Variants in ANK2 observed in about 807,000 individuals in gnomAD.
ANK2 encodes ankyrin 2.
A neutral mutation model predicts 360.5 loss-of-function variants in ANK2; 83 were observed. That is an observed-to-expected ratio of 0.23 (90% CI 0.19 to 0.28). The LOEUF (loss-of-function observed/expected upper bound fraction) is 0.28, where lower values mean the gene tolerates loss of function less well. ANK2 is among the 10% of genes least tolerant of loss of function. ANK2 has a pLI of 1.00. For missense variants in ANK2, 4,201 were observed against 4,795.7 expected (o/e 0.88, Z 3.66); for synonymous variants, 1,740 against 1,759.5 (o/e 0.99, Z 0.28).
chr4:112,957,510 G>A (rs1038868620), intron 2 of ANK2, among the ~76,000 whole-genome samples: 20 of 152,220 alleles, frequency 1.3e-4, no homozygotes, highest in Non-Finnish European at 1.8e-4. Flanking sequence ...ATCATGGCCC[G>A]TTCTCAATGA....
At chr4:113,237,496 CAT>C in intron 6 of ANK2, 101 bp from the exon 7 acceptor site, 1 of 1,160,536 alleles carries the variant, frequency 8.6e-7, no homozygotes, top group Non-Finnish European at 1.3e-6. Context: ...TGCATTTTGC[CAT>C]GTTGGAACAG....
rs1489947974 is a variant in ANK2, at chr4:113,021,541, C to CACACACACACACATATATATATATATAT, written c.21+117028_21+117029insCACACACACACATATATATATATATATA. Among the ~76,000 whole-genome samples the CACACACACACACATATATATATATATAT allele has an allele frequency of 5.3e-4, 51 of 95,628 alleles. 8 individuals are homozygous for CACACACACACACATATATATATATATAT. The highest frequency in any genetic ancestry group is 8.6e-4 in the Non-Finnish European group (38 of 44,130). The allele number at this position is 95,628 out of a possible 152,430, so 62.7% of individuals were successfully genotyped here. A position where few individuals can be genotyped will look rare whatever the true frequency, so the allele number is the denominator to read the frequency against. On this transcript the variant is annotated intron_variant, in intron 2 of 30. Coordinates refer to the ANK2 transcript ENST00000503271. The stretch of plus-strand genomic sequence containing the variant: ...ATACACACACACACCCACACACAAA[C>CACACACACACACATATATATATATATAT]ATATATATATATATATATATATATA...
rs74634473 is a variant in ANK2 at position 113,074,571 on chromosome 4, T to A, written c.84+24759T>A. On this transcript the variant is annotated intron_variant, in intron 1 of 45. Transcript: ENST00000357077. ...AAATCATTTATCTATTTGAAAAGTA[T>A]GATGATTTAAAAGGAGAGGAAATTA... Among the ~76,000 whole-genome samples, 894 of 152,292 alleles carry A rather than the reference T, an allele frequency of 5.9e-3. 8 individuals carry two copies. The highest frequency in any genetic ancestry group is 0.021 in the African/African-American group (859 of 41,550).
At chr4:113,054,659 A>C (rs1311686348) in intron 1 of ANK2, among the ~76,000 whole-genome samples, 1 of 152,190 alleles carries the variant, frequency 6.6e-6, no homozygotes, top group Admixed American at 6.5e-5. Context: ...TCTTTCAAAT[A>C]ACTTACCATT....
intron 2 of ANK2, among the ~76,000 whole-genome samples, chr4:112,941,502 T>A (rs2094205627): frequency 7.1e-6 from 1 of 141,680 alleles, no homozygotes; most frequent in Non-Finnish European, 1.5e-5. Flanking sequence ...TATGTAAATA[T>A]ATACTAAATA....
At chr4:112,743,378 G>A in the ANK2 span, among the ~76,000 whole-genome samples, 6 of 151,898 alleles carry the variant, frequency 4.0e-5, no homozygotes, top group Non-Finnish European at 8.8e-5. Flanking sequence ...AAAAGACTAT[G>A]ATGTCTTTTA....
chr4:113,206,597 C>T (rs1281384045), intron 4 of ANK2, among the ~76,000 whole-genome samples: 3 of 152,160 alleles, frequency 2.0e-5, no homozygotes, highest in Admixed American at 1.3e-4. Context: ...GTGTTTTTGA[C>T]TCTGAAAATC....
chr4:113,112,167 A>C (rs375950650), intron 1 of ANK2, among the ~76,000 whole-genome samples: 2 of 152,238 alleles, frequency 1.3e-5, no homozygotes, highest in African/African-American at 4.8e-5. Flanking sequence ...TATTATAGTA[A>C]ATTAAAAGAA....
At chr4:113,041,812 G>A (rs960864677) in intron 2 of ANK2, among the ~76,000 whole-genome samples, 5 of 152,082 alleles carry the variant, frequency 3.3e-5, no homozygotes, top group African/African-American at 1.2e-4. Context: ...TCTGGTGAGG[G>A]CCCAGGTCCA....
At chr4:113,040,126 A>T (rs1219972050) in intron 2 of ANK2, among the ~76,000 whole-genome samples, 1 of 152,024 alleles carries the variant, frequency 6.6e-6, no homozygotes, top group Non-Finnish European at 1.5e-5. Flanking sequence ...TCAAGAACTA[A>T]TATCACTAGA....
chr4:113,354,589 C>T lies in ANK2; in HGVS notation c.5971C>T (p.Arg1991Trp), dbSNP rs1442984107. 3.7e-6 allele frequency: 6 copies of T among 1,613,848 alleles called. No individual in the cohort carries two copies. Among genetic ancestry groups the T allele is most frequent in the South Asian group, 1.1e-5 (1 of 91,062 alleles). ...TERIEETMSV[R>W]ELMKAFQSGQ... is the part of the protein sequence containing the mutation. ...GAGGATTGAGGAAACCATGTCTGTTCGGGAGCTGATGAAGGCTTTCCAGTC... is the reference window on the plus strand; with the variant it reads ...GAGGATTGAGGAAACCATGTCTGTTTGGGAGCTGATGAAGGCTTTCCAGTC... The change falls in exon 38 of 46, where the codon CGG becomes TGG. Residue 1991 changes from arginine (R) to tryptophan (W), a missense_variant. Coordinates refer to ENST00000357077, the MANE Select transcript of ANK2 (RefSeq NM_001148.6).
chr4:113,153,414 C>CT (rs1229462964), intron 1 of ANK2, among the ~76,000 whole-genome samples: 2 of 152,076 alleles, frequency 1.3e-5, no homozygotes, highest in African/African-American at 2.4e-5. Flanking sequence ...AAAATCTTTC[C>CT]TTTTTGAAAA....
At chr4:112,911,221 A>G (rs1435548370) in intron 2 of ANK2, among the ~76,000 whole-genome samples, 1 of 122,312 alleles carries the variant, frequency 8.2e-6, no homozygotes, top group African/African-American at 3.2e-5. Context: ...GAGATGGTAT[A>G]TCTCGGCTGG....
intron 1 of ANK2, among the ~76,000 whole-genome samples, chr4:113,108,769 T>C (rs7655486): frequency 0.2 from 29,726 of 152,132 alleles, 2,981 homozygotes; most frequent in Non-Finnish European, 0.22. Context: ...GATGTTTTTA[T>C]TTTACAAAGT....
In ANK2 at chr4:113,114,126, G is replaced by C. The variant is rs557054908; in HGVS notation, c.85-60290G>C. Among the ~76,000 whole-genome samples the C allele has an allele frequency of 3.3e-5, 5 of 152,160 alleles. No homozygotes were observed. The South Asian group carries it at 1.0e-3, about 32-fold the overall frequency. ...TACAAATATTTATACTAATTGTCTGGGATTTCCTGTTTTGTGATTTGAATA... is the reference window on the plus strand; with the variant it reads ...TACAAATATTTATACTAATTGTCTGCGATTTCCTGTTTTGTGATTTGAATA... On this transcript the variant is annotated intron_variant, in intron 1 of 45. Transcript: ENST00000357077.
chr4:112,898,248 T>C (rs1236102990), intron 1 of ANK2, among the ~76,000 whole-genome samples: 1 of 152,206 alleles, frequency 6.6e-6, no homozygotes, highest in African/African-American at 2.4e-5. Flanking sequence ...GTCCATAGTT[T>C]ATTGAGATTT....
At chr4:113,280,416 A>G (rs1384125708) in intron 17 of ANK2, among the ~76,000 whole-genome samples, 1 of 152,198 alleles carries the variant, frequency 6.6e-6, no homozygotes, top group Non-Finnish European at 1.5e-5. Context: ...CAGAGTCCAC[A>G]GTAGGATGGG....
intron 4 of ANK2, chr4:113,214,511 C>G: frequency 1.7e-6 from 1 of 601,556 alleles, no homozygotes; most frequent in Non-Finnish European, 2.9e-6. Context: ...TTATTACATT[C>G]ATTAATTTAT....
chr4:113,000,531 T>TC (rs1429386445), intron 2 of ANK2, among the ~76,000 whole-genome samples: 2 of 152,160 alleles, frequency 1.3e-5, no homozygotes, highest in African/African-American at 4.8e-5. Flanking sequence ...GTCCAGTGTT[T>TC]CCCCCATTTT....
Sources: gnomAD v4.1 joint callset for allele counts (sites outside exome capture counted in the v4.1 genomes callset) on GRCh38, gnomAD v4.1.1 for gene constraint, MANE v1.5 for transcripts, NCBI Gene and HGNC (gene_info 2026-07-23, HGNC 2026-07-21) for gene names.